NIPBL: variants seen among roughly 807,000 people sequenced by gnomAD.
NIPBL encodes nipped-B-like protein.
In NIPBL, 19 loss-of-function variants were observed where a neutral mutation model predicts 321.8. That is an observed-to-expected ratio of 0.06 (90% CI 0.04 to 0.09). The LOEUF is 0.09. Among genes scored for constraint, NIPBL ranks in the 10% least tolerant of loss-of-function variants. The pLI is 1.00. For synonymous variants in NIPBL, 1,106 were observed against 1,114.1 expected, an observed-to-expected ratio of 0.99 and a Z score of 0.14; for missense variants, 2,210 against 3,327.0, an observed-to-expected ratio of 0.66 and a Z score of 8.26.
At chr5:36,924,741 C>G (rs751297701) in intron 1 of NIPBL, among the ~76,000 whole-genome samples, 22 of 152,184 alleles carry the variant, frequency 1.4e-4, no homozygotes, top group Non-Finnish European at 2.6e-4. Context: ...CAGAAAATCT[C>G]CAGTCTAGCT....
intron 36 of NIPBL, 28 bp from the exon 37 acceptor site, chr5:37,045,415 A>T (rs373012360): frequency 6.7e-7 from 1 of 1,499,352 alleles, no homozygotes; most frequent in South Asian, 1.2e-5. Flanking sequence ...GATAAATATT[A>T]TAAGTAAATA....
chr5:36,998,402 C>T (rs747904419), intron 11 of NIPBL, among the ~76,000 whole-genome samples: 13 of 151,862 alleles, frequency 8.6e-5, no homozygotes, highest in Non-Finnish European at 7.4e-5. Context: ...TATGTAATTA[C>T]AAACCACTAT....
intron 44 of NIPBL, among the ~76,000 whole-genome samples, chr5:37,060,247 C>T (rs1010640646): frequency 2.6e-5 from 4 of 152,200 alleles, no homozygotes; most frequent in Admixed American, 2.6e-4. Flanking sequence ...CAATCATAAA[C>T]TCCTGGGCTC....
intron 9 of NIPBL, among the ~76,000 whole-genome samples, chr5:36,979,446 T>C (rs1743892172): frequency 6.6e-6 from 1 of 151,958 alleles, no homozygotes; most frequent in African/African-American, 2.4e-5. Flanking sequence ...TTTTGTATCC[T>C]AAAGCTTTAT....
At chr5:37,041,384 C>T (rs1403202480) in intron 34 of NIPBL, among the ~76,000 whole-genome samples, 2 of 150,560 alleles carry the variant, frequency 1.3e-5, no homozygotes, top group African/African-American at 4.9e-5. Context: ...CTTCCTCAGC[C>T]TCCCAAGTAG....
intron 1 of NIPBL, among the ~76,000 whole-genome samples, chr5:36,925,109 T>C (rs533384172): frequency 2.0e-5 from 3 of 152,288 alleles, no homozygotes; most frequent in Admixed American, 1.3e-4. Context: ...AAGATTAATG[T>C]TATCTAGCAG....
At chr5:37,040,916 AAAG>A (rs1198762020) in intron 34 of NIPBL, among the ~76,000 whole-genome samples, 3 of 152,200 alleles carry the variant, frequency 2.0e-5, no homozygotes, top group Non-Finnish European at 4.4e-5. Context: ...CCCTGACTGC[AAAG>A]AAGGTTGAGC....
chr5:36,934,526 A>G (rs1561047249), intron 1 of NIPBL, among the ~76,000 whole-genome samples: 1 of 152,160 alleles, frequency 6.6e-6, no homozygotes, highest in Non-Finnish European at 1.5e-5. Flanking sequence ...TAACATAGAC[A>G]GTCCTTGATT....
intron 1 of NIPBL, chr5:36,886,010 T>A (rs1745876114): frequency 6.9e-6 from 5 of 720,550 alleles, no homozygotes; most frequent in Non-Finnish European, 1.3e-5. Context: ...GCTAGACAAG[T>A]ACTGGTCTCA....
chr5:37,037,759 C>G (rs1026232065), intron 33 of NIPBL, among the ~76,000 whole-genome samples: 10 of 150,454 alleles, frequency 6.6e-5, no homozygotes, highest in Non-Finnish European at 1.5e-4. Flanking sequence ...TGCTAATTTC[C>G]TCTAAAAATT....
chr5:36,947,488 A>G (rs1739816730), intron 1 of NIPBL, among the ~76,000 whole-genome samples: 1 of 152,046 alleles, frequency 6.6e-6, no homozygotes, highest in Non-Finnish European at 1.5e-5. Context: ...AACATTATGT[A>G]AGAAACTCCC....
At position 37,002,684 on chromosome 5, in the gene NIPBL, G is replaced by A. The variant is rs774573086; in HGVS notation, c.3687G>A (p.Gln1229=). Residue 1229 remains glutamine, a synonymous_variant, in exon 15 of 47, where the codon CAG becomes CAA. Coordinates refer to ENST00000282516, the MANE Select transcript of NIPBL (RefSeq NM_133433.4). The stretch of plus-strand genomic sequence containing the variant: ...CAGGTGATGATGATGAAATTCCTCA[G>A]GAACTGCTCTTAGGAAAACATCAGC... The part of the protein sequence containing the change: ...TAFGDDDEIP[Q]ELLLGKHQLN... The A allele has an allele frequency of 6.2e-6, 10 of 1,612,028 alleles. No homozygotes were observed. Among genetic ancestry groups the A allele is most frequent in the Non-Finnish European group, 8.5e-6 (10 of 1,178,456 alleles).
At chr5:37,054,847 T>G (rs1753928696) in intron 42 of NIPBL, among the ~76,000 whole-genome samples, 1 of 152,026 alleles carries the variant, frequency 6.6e-6, no homozygotes, top group South Asian at 2.1e-4. Context: ...TAATGAATAG[T>G]TTGTTATTTG....
intron 21 of NIPBL, among the ~76,000 whole-genome samples, chr5:37,011,771 A>G (rs1166676617): frequency 1.3e-5 from 2 of 152,116 alleles, no homozygotes; most frequent in African/African-American, 4.8e-5. Flanking sequence ...TGACATATTT[A>G]CAGCTAATTT....
chr5:36,953,419 G>A (rs1431517489), intron 1 of NIPBL, among the ~76,000 whole-genome samples, 199 bp from the exon 2 acceptor site: 1 of 152,164 alleles, frequency 6.6e-6, no homozygotes, highest in Non-Finnish European at 1.5e-5. Flanking sequence ...CTACTGTACT[G>A]GGTTGTTGTG....
chr5:36,876,866 C>T lies in NIPBL; in HGVS notation c.-392C>T. 1 of 383,152 alleles carries T rather than the reference C, an allele frequency of 2.6e-6. No individual in the cohort carries two copies. Among genetic ancestry groups the T allele is most frequent in the Non-Finnish European group, 4.6e-6 (1 of 217,222 alleles). The allele number at this position is 383,152 out of a possible 1,614,324, so 23.7% of individuals were successfully genotyped here. On this transcript the variant is annotated 5_prime_UTR_variant, in exon 1 of 47. Transcript: ENST00000282516. ...CCTCCCTCCGTCGGTACCGACTCAC[C>T]CGACACCACCAAGCCGCAGGGAGGG... is the stretch of plus-strand genomic sequence containing the variant.
chr5:37,051,724 T>G (rs1753566969), intron 40 of NIPBL, 55 bp from the exon 41 acceptor site: 1 of 1,250,970 alleles, frequency 8.0e-7, no homozygotes, highest in African/African-American at 1.5e-5. Context: ...GACATATGTC[T>G]AAATAGAGAA....
intron 1 of NIPBL, among the ~76,000 whole-genome samples, chr5:36,899,079 A>G (rs1188302309): frequency 6.6e-6 from 1 of 152,136 alleles, no homozygotes; most frequent in Non-Finnish European, 1.5e-5. Context: ...ATGCTGCTGT[A>G]TTTCCCAATT....
chr5:36,965,111 C>T (rs535143875), intron 6 of NIPBL, among the ~76,000 whole-genome samples: 69 of 152,222 alleles, frequency 4.5e-4, no homozygotes, highest in African/African-American at 1.6e-3. Context: ...TTATGGAACA[C>T]TGTATGGTGG....
Sources: allele counts gnomAD v4.1 joint callset (sites outside exome capture counted in the v4.1 genomes callset), GRCh38; gene constraint gnomAD v4.1.1; transcripts MANE v1.5; gene names NCBI Gene and HGNC (gene_info 2026-07-23, HGNC 2026-07-21).